WDFY1: variants seen among roughly 807,000 people sequenced by gnomAD.
WDFY1 encodes WD repeat and FYVE domain containing 1, also known as WD repeat and FYVE domain-containing protein 1.
Under a neutral mutation model 56.4 loss-of-function variants are expected in WDFY1, and 32 were observed. The ratio of observed to expected loss-of-function variants is 0.57; its 90% CI spans 0.43 to 0.76. WDFY1 has a LOEUF of 0.76. WDFY1 is among the 30% of genes least tolerant of loss of function. The probability of loss-of-function intolerance (pLI) is 0.00; values close to 1 mark genes in which losing one functional copy is unlikely to be tolerated. For missense variants in WDFY1, 480 were observed against 545.7 expected, an observed-to-expected ratio of 0.88 and a Z score of 1.20; for synonymous variants, 192 against 197.3, an observed-to-expected ratio of 0.97 and a Z score of 0.23.
At chr2:223,925,875 A>C (rs1183097057) in intron 1 of WDFY1, among the ~76,000 whole-genome samples, 3 of 152,228 alleles carry the variant, frequency 2.0e-5, no homozygotes, top group African/African-American at 7.2e-5. Flanking sequence ...ATGAGATTAC[A>C]ACAATTCAGT....
intron 3 of WDFY1, among the ~76,000 whole-genome samples, chr2:223,907,473 A>T (rs943822210): frequency 4.6e-5 from 7 of 152,210 alleles, no homozygotes; most frequent in Non-Finnish European, 1.5e-5. Flanking sequence ...TCAATTGCTA[A>T]CTAATGCTAA....
intron 9 of WDFY1, among the ~76,000 whole-genome samples, chr2:223,883,078 T>C (rs1386144005): frequency 6.6e-6 from 1 of 152,066 alleles, no homozygotes; most frequent in Non-Finnish European, 1.5e-5. Flanking sequence ...AGAGACGGGG[T>C]CTCATCATGT....
chr2:223,897,371 TATATATATATATATA>T (rs1693403019), intron 6 of WDFY1, among the ~76,000 whole-genome samples: 16 of 65,270 alleles, frequency 2.5e-4, no homozygotes, highest in South Asian at 4.1e-4. Flanking sequence ...TATATATATA[TATATATATATATATA>T]TATATTTTTT....
chr2:223,913,714 A>G (rs1474004415), intron 2 of WDFY1, among the ~76,000 whole-genome samples: 1 of 152,008 alleles, frequency 6.6e-6, no homozygotes, highest in Non-Finnish European at 1.5e-5. Flanking sequence ...CTTCTTTTCA[A>G]TTTTTTTAAT....
intron 1 of WDFY1, among the ~76,000 whole-genome samples, chr2:223,928,640 T>C (rs1574779082): frequency 2.0e-5 from 3 of 152,348 alleles, no homozygotes; most frequent in Admixed American, 2.0e-4. Context: ...TAAGAGTCTA[T>C]CCTTTAAATT....
intron 8 of WDFY1, among the ~76,000 whole-genome samples, chr2:223,886,729 T>TAAAAAAAAAAAA (rs34317110): frequency 1.0e-5 from 1 of 95,630 alleles, no homozygotes; most frequent in African/African-American, 4.0e-5. Context: ...AAACTCCGTC[T>TAAAAAAAAAAAA]AAAAAAAAAA....
intron 1 of WDFY1, among the ~76,000 whole-genome samples, chr2:223,936,961 G>A (rs1303591217): frequency 6.6e-6 from 1 of 152,164 alleles, no homozygotes; most frequent in East Asian, 1.9e-4. Context: ...GTTTCCTCTG[G>A]ATTTCACCCC....
chr2:223,891,946 A>G (rs1169514092), intron 8 of WDFY1, among the ~76,000 whole-genome samples: 1 of 152,184 alleles, frequency 6.6e-6, no homozygotes, highest in African/African-American at 2.4e-5. Context: ...ATCTTTGCAA[A>G]TATAGTATTA....
chr2:223,897,105 T>C (rs556965688), intron 6 of WDFY1, among the ~76,000 whole-genome samples: 2 of 152,192 alleles, frequency 1.3e-5, no homozygotes, highest in South Asian at 2.1e-4. Context: ...TTCACCTAAA[T>C]AGATTACATA....
intron 8 of WDFY1, among the ~76,000 whole-genome samples, chr2:223,889,402 A>T (rs1278846633): frequency 6.6e-6 from 1 of 152,036 alleles, no homozygotes; most frequent in Non-Finnish European, 1.5e-5. Context: ...CTGTGTCCCT[A>T]CCCACATCTC....
chr2:223,918,163 G>T (rs763066262), intron 1 of WDFY1, among the ~76,000 whole-genome samples, 153 bp from the exon 2 acceptor site: 17 of 151,678 alleles, frequency 1.1e-4, no homozygotes, highest in Non-Finnish European at 2.4e-4. Flanking sequence ...ATACATACAT[G>T]TACACATACA....
intron 2 of WDFY1, among the ~76,000 whole-genome samples, chr2:223,915,646 A>G (rs1388944862): frequency 4.6e-5 from 7 of 152,240 alleles, no homozygotes; most frequent in Non-Finnish European, 1.5e-5. Flanking sequence ...CCATAGTATT[A>G]ACAAAATTTT....
At chr2:223,910,865 C>A (rs899933208) in intron 3 of WDFY1, among the ~76,000 whole-genome samples, 2 of 152,102 alleles carry the variant, frequency 1.3e-5, no homozygotes, top group African/African-American at 4.8e-5. Context: ...TAGTTGCTTA[C>A]AAGTTCAATA....
At chr2:223,892,856 A>G (rs1175898177) in intron 8 of WDFY1, among the ~76,000 whole-genome samples, 2 of 152,260 alleles carry the variant, frequency 1.3e-5, no homozygotes, top group Non-Finnish European at 2.9e-5. Flanking sequence ...TAAGCCATTT[A>G]TTAAATACAT....
intron 1 of WDFY1, among the ~76,000 whole-genome samples, chr2:223,923,988 G>T (rs996578985): frequency 6.6e-6 from 1 of 152,038 alleles, no homozygotes; most frequent in Non-Finnish European, 1.5e-5. Flanking sequence ...TTTTCTAATG[G>T]CTGGATTTTC....
chr2:223,915,791 G>T (rs1693777381), intron 2 of WDFY1, among the ~76,000 whole-genome samples: 1 of 152,162 alleles, frequency 6.6e-6, no homozygotes, highest in Non-Finnish European at 1.5e-5. Flanking sequence ...GGGAGACTGG[G>T]GCAGGTTGGG....
intron 9 of WDFY1, 39 bp from the exon 10 acceptor site, chr2:223,882,111 C>T: frequency 6.3e-7 from 1 of 1,595,668 alleles, no homozygotes; most frequent in South Asian, 1.1e-5. Context: ...AGGGTGTTAG[C>T]TTTCGCTTTT....
At chr2:223,919,294 G>A (rs187587275) in intron 1 of WDFY1, among the ~76,000 whole-genome samples, 6 of 152,166 alleles carry the variant, frequency 3.9e-5, no homozygotes, top group East Asian at 1.9e-4. Context: ...CACTGCAACC[G>A]CCACCTCCCG....
At chr2:223,890,042 G>A (rs1693241774) in intron 8 of WDFY1, among the ~76,000 whole-genome samples, 1 of 152,140 alleles carries the variant, frequency 6.6e-6, no homozygotes, top group Non-Finnish European at 1.5e-5. Flanking sequence ...GTATCCCTAT[G>A]CTCCACACAG....
Sources: allele counts gnomAD v4.1 joint callset (sites outside exome capture counted in the v4.1 genomes callset), GRCh38; gene constraint gnomAD v4.1.1; transcripts MANE v1.5; gene names NCBI Gene and HGNC (gene_info 2026-07-23, HGNC 2026-07-21).